The following AVEN variants were observed in gnomAD, a reference collection of about 807,000 sequenced individuals.
The protein encoded by AVEN is apoptosis and caspase activation inhibitor.
A neutral mutation model predicts 38.1 loss-of-function variants in AVEN; 41 were observed. The ratio of observed to expected loss-of-function variants is 1.08; its 90% confidence interval spans 0.84 to 1.40. The LOEUF (loss-of-function observed/expected upper bound fraction) is 1.40. Among genes scored for constraint, AVEN ranks in the 40% most tolerant of loss-of-function variants. AVEN has a pLI of 0.00. For synonymous variants in AVEN, 206 were observed against 171.8 expected (o/e 1.20, Z -1.56); for missense variants, 605 against 438.8 (o/e 1.38, Z -3.38).
intron 2 of AVEN, among the ~76,000 whole-genome samples, chr15:33,893,366 T>C (rs1161934724): frequency 6.6e-6 from 1 of 152,124 alleles, no homozygotes; most frequent in Non-Finnish European, 1.5e-5. Flanking sequence ...CCACAGAAAT[T>C]TTAACATGTA....
chr15:33,866,617 G>GAAATCATGCTGTCCAAC lies in AVEN; in HGVS notation c.1068_1084dup (p.Ser362CysfsTer5). ...CAGGCACTTTTTTTCCCCTTTTTAG[G>GAAATCATGCTGTCCAAC]AAATCATGCTGTCCAACCAGTCTTC... is the stretch of plus-strand genomic sequence containing the variant. On this transcript the variant is annotated stop_gained and frameshift_variant, in exon 6 of 6. Transcript: ENST00000306730. LOFTEE classifies it high-confidence loss of function. 1 of 1,612,572 alleles carries GAAATCATGCTGTCCAAC rather than the reference G, an allele frequency of 6.2e-7. No individual in the cohort carries two copies. The highest frequency in any genetic ancestry group is 8.5e-7 in the Non-Finnish European group (1 of 1,179,170).
rs1304684577 is a variant in AVEN, at chr15:33,875,853, A to C, written c.516+72T>G. 5.1e-6 allele frequency: 7 copies of C among 1,377,158 alleles called. No homozygotes were observed. The East Asian group carries it at 1.4e-4, about 27-fold the overall frequency. The allele number at this position is 1,377,158 out of a possible 1,614,324, so 85.3% of individuals were successfully genotyped here. A position where few individuals can be genotyped will look rare whatever the true frequency, so the allele number is the denominator to read the frequency against. On this transcript the variant is annotated intron_variant, in intron 3 of 5. Transcript: ENST00000306730. ...CTTTTCTACATGAAGACTCTATCTC[A>C]AGAACGTAAAAGGTGTTAGCCTTCA...
At chr15:34,071,440 A>C (rs544565236) in intron 1 of AVEN, among the ~76,000 whole-genome samples, 1 of 151,334 alleles carries the variant, frequency 6.6e-6, no homozygotes, top group African/African-American at 2.4e-5. Context: ...TATCAAGCTA[A>C]TTTTTTTTTA....
intron 2 of AVEN, among the ~76,000 whole-genome samples, chr15:33,924,380 A>T (rs1893533393): frequency 6.6e-6 from 1 of 152,026 alleles, no homozygotes; most frequent in South Asian, 2.1e-4. Context: ...AAAAAAAAAA[A>T]AATTATTATT....
intron 2 of AVEN, among the ~76,000 whole-genome samples, chr15:33,904,856 G>A (rs1030694796): frequency 2.0e-5 from 3 of 151,978 alleles, no homozygotes; most frequent in East Asian, 1.9e-4. Context: ...TTGGTTGGGC[G>A]TGGTGGCTCA....
At chr15:33,857,589 C>G (rs537702868), downstream of AVEN, among the ~76,000 whole-genome samples, 7 of 152,150 alleles carry the variant, frequency 4.6e-5, no homozygotes, top group African/African-American at 1.4e-4. Context: ...GCCCGCTTCT[C>G]TTTACCTGTG....
At chr15:33,988,212 A>C (rs879641330) in intron 2 of AVEN, among the ~76,000 whole-genome samples, 3 of 152,226 alleles carry the variant, frequency 2.0e-5, no homozygotes, top group Admixed American at 6.5e-5. Flanking sequence ...AAAAATGTGT[A>C]TCTTAGACAG....
Position 34,003,052 on chromosome 15 carries a change from C to T in AVEN, c.425G>A (p.Ser142Asn). 1 of 1,613,852 alleles carries T rather than the reference C, an allele frequency of 6.2e-7. No individual in the cohort carries two copies. Among genetic ancestry groups the T allele is most frequent in the South Asian group, 1.1e-5 (1 of 91,030 alleles). The change falls in exon 2 of 6, where the codon AGT becomes AAT. Residue 142 changes from serine to asparagine, a missense_variant. Transcript: ENST00000306730. The part of the protein sequence containing the change: ...SGESQRGTDF[S>N]VLLSSAGDSF... Reference sequence around the variant, plus strand: ...CATACCTGCAGAGCTAAGGAGGACACTGAAATCTGTTCCCCTCTGTGACTC... The same window carrying T: ...CATACCTGCAGAGCTAAGGAGGACATTGAAATCTGTTCCCCTCTGTGACTC...
chr15:33,861,270 A>C (rs1425115109), downstream of AVEN: 2 of 934,162 alleles, frequency 2.1e-6, no homozygotes, highest in Non-Finnish European at 3.3e-6. Flanking sequence ...GAAAAAGAGT[A>C]ACCAGAAAGG....
chr15:34,073,977 T>G (rs1306799289), intron 1 of AVEN, among the ~76,000 whole-genome samples: 1 of 13,974 alleles, frequency 7.2e-5, no homozygotes, highest in Non-Finnish European at 3.4e-4. Context: ...AACTTTCTTT[T>G]TTCTTCTTCT....
intron 2 of AVEN, among the ~76,000 whole-genome samples, chr15:33,962,665 C>T (rs1895232953): frequency 1.4e-5 from 1 of 69,228 alleles, no homozygotes; most frequent in Admixed American, 2.1e-4. Context: ...ACTAAATTTC[C>T]CTGCATAATA....
At chr15:33,988,036 G>A (rs1408419284) in intron 2 of AVEN, among the ~76,000 whole-genome samples, 1 of 152,186 alleles carries the variant, frequency 6.6e-6, no homozygotes, top group Non-Finnish European at 1.5e-5. Context: ...ACACAACTGG[G>A]AGCCTCACAG....
chr15:33,923,791 C>G (rs1284826857), intron 2 of AVEN, among the ~76,000 whole-genome samples: 1 of 151,782 alleles, frequency 6.6e-6, no homozygotes, highest in East Asian at 1.9e-4. Context: ...GTATTTACAG[C>G]CACTCCCCAT....
At chr15:33,869,925 GT>G (rs1890863295) in intron 4 of AVEN, among the ~76,000 whole-genome samples, 1 of 150,298 alleles carries the variant, frequency 6.7e-6, no homozygotes, top group Non-Finnish European at 1.5e-5. Flanking sequence ...ACTTCATCCT[GT>G]TATCTCCTGA....
chr15:33,978,282 C>G (rs939300260), intron 2 of AVEN, among the ~76,000 whole-genome samples: 1 of 152,124 alleles, frequency 6.6e-6, no homozygotes, highest in African/African-American at 2.4e-5. Context: ...CTACAGCAAA[C>G]CCACTGTAGA....
At chr15:33,882,601 T>C (rs1272366323) in intron 2 of AVEN, among the ~76,000 whole-genome samples, 2 of 150,782 alleles carry the variant, frequency 1.3e-5, no homozygotes, top group Admixed American at 1.3e-4. Flanking sequence ...GTACAGTGGC[T>C]TACGCCTGTA....
intron 2 of AVEN, among the ~76,000 whole-genome samples, chr15:33,951,743 G>A (rs1399628343): frequency 6.6e-6 from 1 of 151,986 alleles, no homozygotes; most frequent in Non-Finnish European, 1.5e-5. Context: ...ATAAGTTACA[G>A]AACCATGTCT....
intron 2 of AVEN, among the ~76,000 whole-genome samples, chr15:33,882,706 A>T (rs950432799): frequency 1.3e-5 from 2 of 151,902 alleles, no homozygotes; most frequent in Non-Finnish European, 2.9e-5. Context: ...ATCTCTATTT[A>T]AAAAAAATAA....
intron 11 of AVEN, among the ~76,000 whole-genome samples, chr15:33,859,995 A>G (rs1250533795): frequency 1.3e-5 from 2 of 151,918 alleles, no homozygotes; most frequent in Non-Finnish European, 2.9e-5. Flanking sequence ...TTTACTCCTC[A>G]CTTCTGCTTC....
Sources: allele counts gnomAD v4.1 joint callset (sites outside exome capture counted in the v4.1 genomes callset), GRCh38; gene constraint gnomAD v4.1.1; transcripts MANE v1.5; gene names NCBI Gene and HGNC (gene_info 2026-07-23, HGNC 2026-07-21).